Variants in PECR observed in about 807,000 individuals in gnomAD.
The protein encoded by PECR is peroxisomal trans-2-enoyl-CoA reductase.
PECR carries 30 observed loss-of-function variants against 35.3 expected under a neutral mutation model. The observed-to-expected ratio is 0.85, with a 90% confidence interval of 0.64 to 1.15. The LOEUF is 1.15. Among genes scored for constraint, PECR ranks in the 50% most tolerant of loss-of-function variants. The pLI is 0.00. For missense variants in PECR, 392 were observed against 370.8 expected, an observed-to-expected ratio of 1.06 and a Z score of -0.47; for synonymous variants, 148 against 138.9, an observed-to-expected ratio of 1.07 and a Z score of -0.46.
At chr2:216,081,522 C>T (rs2105974912) in intron 1 of PECR, 96 bp downstream of exon 1, 2 of 1,496,848 alleles carry the variant, frequency 1.3e-6, no homozygotes, top group Non-Finnish European at 1.9e-6. Context: ...TGCAGCTCCA[C>T]ACTCCCTCAG....
rs575831714 is a variant in PECR, at chr2:216,079,660, C to A, written c.124+1958G>T. Among the ~76,000 whole-genome samples the A allele has an allele frequency of 1.3e-4, 19 of 149,588 alleles. No homozygotes were observed. The South Asian group carries it at 3.2e-3, about 25-fold the overall frequency. ...GGGATTACAGGCATGAGCCACCGTG[C>A]CCGGCCCTGCATGTATATATTTTAT... On this transcript the variant is annotated intron_variant, in intron 1 of 7. Coordinates refer to ENST00000265322, the MANE Select transcript of PECR (RefSeq NM_018441.6).
chr2:216,061,703 A>G (rs1161058372), intron 3 of PECR, among the ~76,000 whole-genome samples: 1 of 152,162 alleles, frequency 6.6e-6, no homozygotes, highest in Non-Finnish European at 1.5e-5. Context: ...TTTTTAGAGT[A>G]CAAGAAACTA....
chr2:216,037,187 T>C (rs1694807663), downstream of PECR, among the ~76,000 whole-genome samples: 1 of 152,258 alleles, frequency 6.6e-6, no homozygotes, highest in Admixed American at 6.5e-5. Flanking sequence ...AGTACATTAT[T>C]GACAGGATAC....
At chr2:216,075,150 T>A (rs2105969354) in intron 1 of PECR, among the ~76,000 whole-genome samples, 1 of 152,202 alleles carries the variant, frequency 6.6e-6, no homozygotes, top group Middle Eastern at 3.4e-3. Context: ...ATGCCTATAG[T>A]TTAGATACTT....
At chr2:216,035,104 T>C (rs776605501), downstream of PECR, among the ~76,000 whole-genome samples, 10 of 152,332 alleles carry the variant, frequency 6.6e-5, no homozygotes, top group African/African-American at 2.2e-4. Flanking sequence ...CCAGATGTAA[T>C]TGCTCCTCTG....
chr2:216,031,689 A>AAGAAAG (rs1559204146), intron 7 of PECR, among the ~76,000 whole-genome samples: 1 of 32,942 alleles, frequency 3.0e-5, no homozygotes, highest in Admixed American at 3.6e-4. Flanking sequence ...GAAAGAAAGA[A>AAGAAAG]AGAGAAAGAA....
chr2:216,073,629 T>G (rs957225262), intron 1 of PECR, among the ~76,000 whole-genome samples: 1 of 151,826 alleles, frequency 6.6e-6, no homozygotes, highest in African/African-American at 2.4e-5. Context: ...TTATTATATC[T>G]TTTGTATGTT....
downstream of PECR, among the ~76,000 whole-genome samples, chr2:216,037,856 G>A (rs551557651): frequency 9.1e-4 from 137 of 151,164 alleles, no homozygotes; most frequent in Non-Finnish European, 1.7e-3. Context: ...AGGCCAAAGC[G>A]GGCAGATCAC....
At chr2:216,055,053 A>C (rs1194660281) in intron 4 of PECR, among the ~76,000 whole-genome samples, 1 of 149,876 alleles carries the variant, frequency 6.7e-6, no homozygotes, top group African/African-American at 2.5e-5. Flanking sequence ...CGGAGGCTGC[A>C]GTGAGCAGAA....
At chr2:216,066,052 A>G (rs2105962307) in intron 2 of PECR, among the ~76,000 whole-genome samples, 1 of 152,266 alleles carries the variant, frequency 6.6e-6, no homozygotes, top group Admixed American at 6.5e-5. Context: ...TGAACCTGGG[A>G]GGTGTAGGTT....
At position 216,043,987 on chromosome 2, in the gene PECR, G is replaced by A. The variant is rs766998977; in HGVS notation, c.743C>T (p.Ser248Phe). 2 of 1,611,526 alleles carry A rather than the reference G, an allele frequency of 1.2e-6. No homozygotes were observed. Among genetic ancestry groups the A allele is most frequent in the African/African-American group, 2.7e-5 (2 of 74,868 alleles). Residue 248 changes from serine (S) to phenylalanine (F), a missense_variant, in exon 7 of 8, where the codon TCT becomes TTT. Physicochemically the swap from Ser to Phe is radical, Grantham distance 155. Transcript: ENST00000265322. ...EVSSVVCFLL[S>F]PAASFITGQS... ...TCCAGTGATGAAGGAAGCTGCAGGA[G>A]ACAGTAGGAAGCAGACCACAGAGGA...
At chr2:216,038,121 T>C (rs1196382281), downstream of PECR, among the ~76,000 whole-genome samples, 3 of 151,222 alleles carry the variant, frequency 2.0e-5, no homozygotes, top group African/African-American at 7.3e-5. Flanking sequence ...AAAGTGAGTG[T>C]TAATGATAAA....
chr2:216,066,856 C>T (rs189596148), intron 1 of PECR, among the ~76,000 whole-genome samples: 3 of 152,134 alleles, frequency 2.0e-5, no homozygotes, highest in African/African-American at 7.2e-5. Flanking sequence ...CCTGGCCATG[C>T]GTGTTCCTAT....
chr2:216,070,101 C>T (rs1171462904), intron 1 of PECR, among the ~76,000 whole-genome samples: 3 of 152,106 alleles, frequency 2.0e-5, no homozygotes, highest in African/African-American at 4.8e-5. Flanking sequence ...AGAAGGCAAG[C>T]ACTAATCGAA....
intron 1 of PECR, among the ~76,000 whole-genome samples, chr2:216,076,297 A>G (rs967291953): frequency 6.6e-6 from 1 of 152,136 alleles, no homozygotes; most frequent in Non-Finnish European, 1.5e-5. Context: ...AGTTCAAGCA[A>G]TTCTCATGTG....
chr2:216,039,577 C>T (rs527668245), intron 7 of PECR, among the ~76,000 whole-genome samples: 2 of 152,368 alleles, frequency 1.3e-5, no homozygotes, highest in Admixed American at 1.3e-4. Flanking sequence ...TCCTGAGCCT[C>T]AGTTTCCTCC....
intron 4 of PECR, among the ~76,000 whole-genome samples, chr2:216,055,474 C>CA (rs374204106): frequency 1.4e-4 from 21 of 148,380 alleles, no homozygotes; most frequent in East Asian, 3.9e-4. Context: ...AACAAACAAA[C>CA]AAAAAAAAAC....
At chr2:216,077,219 A>G (rs1390131340) in intron 1 of PECR, among the ~76,000 whole-genome samples, 1 of 151,570 alleles carries the variant, frequency 6.6e-6, no homozygotes, top group African/African-American at 2.4e-5. Context: ...TTAATAAAAA[A>G]TATTTGCCGG....
At chr2:216,055,204 A>C (rs981961316) in intron 4 of PECR, among the ~76,000 whole-genome samples, 1 of 151,946 alleles carries the variant, frequency 6.6e-6, no homozygotes, top group Admixed American at 6.6e-5. Flanking sequence ...TTGAGAGGCC[A>C]AGGTGGGCAC....
Sources: allele counts gnomAD v4.1 joint callset (sites outside exome capture counted in the v4.1 genomes callset), GRCh38; gene constraint gnomAD v4.1.1; transcripts MANE v1.5; gene names NCBI Gene and HGNC (gene_info 2026-07-23, HGNC 2026-07-21).